Variants in HECW1 observed in about 807,000 individuals in gnomAD.
HECW1 encodes the protein HECT, C2 and WW domain containing E3 ubiquitin protein ligase 1.
In HECW1, 61 loss-of-function variants were observed where a neutral mutation model predicts 182.3. That is an observed-to-expected ratio of 0.33 (90% CI 0.27 to 0.41). The LOEUF (loss-of-function observed/expected upper bound fraction) is 0.41, where lower values mean the gene tolerates loss of function less well. Ranked by LOEUF, HECW1 falls within the 10% of genes least tolerant of loss-of-function variation. The pLI, the probability that HECW1 is intolerant of heterozygous loss-of-function variation, is 1.00. For synonymous variants in HECW1, 859 were observed against 832.6 expected (o/e 1.03, Z -0.55); for missense variants, 1,739 against 2,108.9 (o/e 0.82, Z 3.44).
At chr7:43,288,712 T>G (rs867678111) in intron 3 of HECW1, among the ~76,000 whole-genome samples, 23 of 152,190 alleles carry the variant, frequency 1.5e-4, no homozygotes, top group Admixed American at 2.6e-4. Context: ...TGTGCAAAGG[T>G]TTTGTTGTCA....
intron 3 of HECW1, among the ~76,000 whole-genome samples, chr7:43,296,968 T>C (rs1309711555): frequency 1.3e-5 from 2 of 152,252 alleles, no homozygotes; most frequent in Non-Finnish European, 2.9e-5. Context: ...GAGACAGTGA[T>C]GGCCTCCTTC....
intron 5 of HECW1, among the ~76,000 whole-genome samples, chr7:43,342,125 A>G (rs1340867556): frequency 6.6e-6 from 1 of 151,882 alleles, no homozygotes; most frequent in East Asian, 1.9e-4. Context: ...CTCACGCCTG[A>G]AAAGCTTTAA....
intron 2 of HECW1, among the ~76,000 whole-genome samples, chr7:43,225,679 A>G (rs1797361656): frequency 6.6e-6 from 1 of 152,240 alleles, no homozygotes; most frequent in African/African-American, 2.4e-5. Context: ...GAAACTATTC[A>G]TGCTACCAAA....
At chr7:43,480,432 T>C (rs2078383883) in intron 17 of HECW1, among the ~76,000 whole-genome samples, 1 of 152,136 alleles carries the variant, frequency 6.6e-6, no homozygotes, top group African/African-American at 2.4e-5. Context: ...TATGTCCTAA[T>C]TGACATTTCC....
chr7:43,419,318 G>A (rs569205016), intron 8 of HECW1, among the ~76,000 whole-genome samples: 1 of 152,338 alleles, frequency 6.6e-6, no homozygotes, highest in East Asian at 1.9e-4. Flanking sequence ...TCTTGTTGCA[G>A]TGAACAAGTT....
chr7:43,393,974 G>T (rs1009905713), intron 6 of HECW1, among the ~76,000 whole-genome samples: 7 of 151,962 alleles, frequency 4.6e-5, no homozygotes, highest in African/African-American at 1.7e-4. Flanking sequence ...AGTTTCTATT[G>T]TTCCCCCAAA....
chr7:43,180,649 C>A (rs1462280501), intron 2 of HECW1, among the ~76,000 whole-genome samples: 1 of 152,200 alleles, frequency 6.6e-6, no homozygotes, highest in Admixed American at 6.5e-5. Context: ...CCCGCCTTGG[C>A]CTCCCAAAGT....
At chr7:43,519,265 T>A (rs2080322831) in intron 24 of HECW1, among the ~76,000 whole-genome samples, 1 of 151,934 alleles carries the variant, frequency 6.6e-6, no homozygotes, top group Non-Finnish European at 1.5e-5. Flanking sequence ...TTTTTTTTTT[T>A]AGACAGAGTC....
chr7:43,400,843 G>A (rs565127765), intron 7 of HECW1, among the ~76,000 whole-genome samples: 4 of 152,210 alleles, frequency 2.6e-5, no homozygotes, highest in Admixed American at 6.5e-5. Flanking sequence ...CAAGCTGTCA[G>A]CCAGGCTGGT....
intron 12 of HECW1, 85 bp from the exon 13 acceptor site, chr7:43,456,212 G>T: frequency 7.1e-7 from 1 of 1,400,236 alleles, no homozygotes; most frequent in South Asian, 1.4e-5. Context: ...AGTTCTACCT[G>T]CAGAAGACTT....
chr7:43,211,195 A>G (rs1453052438), intron 2 of HECW1, among the ~76,000 whole-genome samples: 1 of 152,098 alleles, frequency 6.6e-6, no homozygotes, highest in Non-Finnish European at 1.5e-5. Context: ...AGGTTTAGGG[A>G]TTCTTAGTCG....
intron 24 of HECW1, among the ~76,000 whole-genome samples, chr7:43,533,042 T>C (rs1391464836): frequency 6.6e-6 from 1 of 151,564 alleles, no homozygotes; most frequent in Non-Finnish European, 1.5e-5. Context: ...TCAAGAGAGG[T>C]TGATTTTGCA....
At chr7:43,510,889 T>C (rs772005371) in intron 24 of HECW1, 8 of 152,198 alleles carry the variant, frequency 5.3e-5, no homozygotes, top group Non-Finnish European at 1.0e-4. Flanking sequence ...GAAGATACTG[T>C]GGCCCACACT....
intron 2 of HECW1, among the ~76,000 whole-genome samples, chr7:43,142,088 A>C (rs1382770099): frequency 6.6e-6 from 1 of 152,156 alleles, no homozygotes; most frequent in Admixed American, 6.5e-5. Flanking sequence ...GATAGAGAAA[A>C]TTCTCTGAGG....
At chr7:43,134,335 A>T (rs1266307544) in intron 2 of HECW1, among the ~76,000 whole-genome samples, 2 of 136,680 alleles carry the variant, frequency 1.5e-5, no homozygotes, top group Non-Finnish European at 3.1e-5. Flanking sequence ...CAGAGGTTGC[A>T]GTGAGCCGAG....
intron 17 of HECW1, among the ~76,000 whole-genome samples, chr7:43,489,263 C>T (rs994756400): frequency 6.6e-6 from 1 of 152,118 alleles, no homozygotes; most frequent in Non-Finnish European, 1.5e-5. Flanking sequence ...CCTGTCTTTA[C>T]AAGATCAATA....
At chr7:43,272,361 A>G (rs1401532576) in intron 3 of HECW1, among the ~76,000 whole-genome samples, 1 of 152,318 alleles carries the variant, frequency 6.6e-6, no homozygotes, top group South Asian at 2.1e-4. Flanking sequence ...GAGCTTCTGC[A>G]TGGCAAAAGA....
At chr7:43,288,883 C>A (rs1332757187) in intron 3 of HECW1, among the ~76,000 whole-genome samples, 1 of 152,198 alleles carries the variant, frequency 6.6e-6, no homozygotes, top group Non-Finnish European at 1.5e-5. Flanking sequence ...CTCCCCAGAC[C>A]TGGCCCCAGC....
At chr7:43,283,865 A>C (rs1804250072) in intron 3 of HECW1, among the ~76,000 whole-genome samples, 1 of 152,186 alleles carries the variant, frequency 6.6e-6, no homozygotes, top group African/African-American at 2.4e-5. Flanking sequence ...TTGACAAGTT[A>C]ATTAAATTGT....
Sources: gnomAD v4.1 joint callset for allele counts (sites outside exome capture counted in the v4.1 genomes callset) on GRCh38, gnomAD v4.1.1 for gene constraint, MANE v1.5 for transcripts, NCBI Gene and HGNC (gene_info 2026-07-23, HGNC 2026-07-21) for gene names.